DCC: variants seen among roughly 807,000 people sequenced by gnomAD.
The protein encoded by DCC is DCC netrin 1 receptor, also known as netrin receptor DCC.
DCC carries 58 observed loss-of-function variants against 172.5 expected under a neutral mutation model. That is an observed-to-expected ratio of 0.34 (90% CI 0.27 to 0.42). The LOEUF is 0.42. Ranked by LOEUF, DCC falls within the 10% of genes least tolerant of loss-of-function variation. The probability of loss-of-function intolerance (pLI) is 1.00; values close to 1 mark genes in which losing one functional copy is unlikely to be tolerated. For synonymous variants in DCC, 709 were observed against 644.5 expected (o/e 1.10, Z -1.52); for missense variants, 1,740 against 1,791.0 (o/e 0.97, Z 0.51).
intron 2 of DCC, 62 bp downstream of exon 2, chr18:52,752,436 G>T: frequency 7.7e-7 from 1 of 1,304,014 alleles, no homozygotes; most frequent in Non-Finnish European, 1.1e-6. Flanking sequence ...TTCATTTTTG[G>T]GGATGAGAAA....
intron 28 of DCC, chr18:53,526,969 T>C: frequency 5.2e-6 from 3 of 577,090 alleles, no homozygotes; most frequent in Non-Finnish European, 9.2e-6. Flanking sequence ...GACTTAGTTA[T>C]GTAAAAAAGT....
intron 27 of DCC, among the ~76,000 whole-genome samples, chr18:53,506,278 G>C (rs1226074095): frequency 1.3e-5 from 2 of 152,130 alleles, no homozygotes; most frequent in Non-Finnish European, 2.9e-5. Flanking sequence ...GTCTAATAAT[G>C]AGTTTAGACA....
chr18:52,739,969 C>A (rs921826464), intron 1 of DCC, among the ~76,000 whole-genome samples: 2 of 152,082 alleles, frequency 1.3e-5, no homozygotes, highest in Non-Finnish European at 2.9e-5. Context: ...AGGAAAGGCT[C>A]TAATTAGAAT....
chr18:53,291,168 G>A (rs562935940), intron 12 of DCC, among the ~76,000 whole-genome samples: 82 of 143,182 alleles, frequency 5.7e-4, no homozygotes, highest in African/African-American at 1.8e-3. Flanking sequence ...ACTGCATTTC[G>A]AAAAAAAAAA....
intron 2 of DCC, among the ~76,000 whole-genome samples, chr18:52,832,197 T>C (rs1187769903): frequency 6.6e-6 from 1 of 152,212 alleles, no homozygotes; most frequent in Non-Finnish European, 1.5e-5. Context: ...AGTGACTGAT[T>C]GGTATGCTAT....
chr18:53,107,535 AG>A (rs1449489646), intron 7 of DCC, among the ~76,000 whole-genome samples: 16 of 95,564 alleles, frequency 1.7e-4, no homozygotes, highest in African/African-American at 8.6e-4. Context: ...AAAAAAAAAA[AG>A]GAAGGAAAAA....
chr18:53,448,811 C>A (rs1201074239), intron 22 of DCC, among the ~76,000 whole-genome samples: 1 of 152,174 alleles, frequency 6.6e-6, no homozygotes, highest in Non-Finnish European at 1.5e-5. Flanking sequence ...CGAGATCATG[C>A]CAGTGCACTC....
chr18:52,497,260 CA>C lies in DCC; in HGVS notation c.91+156403del, dbSNP rs111476286. Among the ~76,000 whole-genome samples, 26 of 53,934 alleles carry C rather than the reference CA, an allele frequency of 4.8e-4. 1 individual carries two copies. Among genetic ancestry groups the C allele is most frequent in the African/African-American group, 1.3e-3 (20 of 15,146 alleles). The allele number at this position is 53,934 out of a possible 152,430, so 35.4% of individuals were successfully genotyped here. A position where few individuals can be genotyped will look rare whatever the true frequency, so the allele number is the denominator to read the frequency against. On this transcript the variant is annotated intron_variant, in intron 1 of 28. Transcript: ENST00000442544. ...TGGGTAACAGAGTGAGACCCTGTATCAAAAAAAAAAAAAAAAAAAAATATAT... is the reference window on the plus strand; with the variant it reads ...TGGGTAACAGAGTGAGACCCTGTATCAAAAAAAAAAAAAAAAAAAATATAT...
chr18:52,799,322 ACTC>A (rs1419050901), intron 2 of DCC, among the ~76,000 whole-genome samples: 1 of 152,020 alleles, frequency 6.6e-6, no homozygotes, highest in African/African-American at 2.4e-5. Flanking sequence ...GGAGTAATAT[ACTC>A]CTCATTTTAT....
intron 21 of DCC, among the ~76,000 whole-genome samples, chr18:53,418,334 T>C (rs1488108656): frequency 6.6e-6 from 1 of 152,164 alleles, no homozygotes; most frequent in African/African-American, 2.4e-5. Context: ...TCTTCTGAGT[T>C]GATGACCACA....
chr18:52,618,792 CTT>C (rs2034430146), intron 1 of DCC, among the ~76,000 whole-genome samples: 1 of 152,184 alleles, frequency 6.6e-6, no homozygotes, highest in Admixed American at 6.5e-5. Flanking sequence ...CGCCCCCAGA[CTT>C]TTAATTCAGA....
intron 7 of DCC, among the ~76,000 whole-genome samples, chr18:53,148,776 C>T (rs145668445): frequency 7.3e-5 from 11 of 151,718 alleles, no homozygotes; most frequent in South Asian, 2.1e-4. Flanking sequence ...GTACAAGTGA[C>T]GACGTACTTT....
chr18:52,709,319 G>C (rs761497984), intron 1 of DCC, among the ~76,000 whole-genome samples: 1 of 152,158 alleles, frequency 6.6e-6, no homozygotes, highest in Non-Finnish European at 1.5e-5. Flanking sequence ...AAGACTGACT[G>C]TCTAATTCCA....
chr18:52,709,561 C>G (rs1011056309), intron 1 of DCC, among the ~76,000 whole-genome samples: 5 of 152,174 alleles, frequency 3.3e-5, no homozygotes, highest in Admixed American at 3.3e-4. Context: ...GGCCTGTGTG[C>G]TCTTCTTCGA....
intron 1 of DCC, among the ~76,000 whole-genome samples, chr18:52,379,917 A>AT (rs1236659705): frequency 1.3e-5 from 2 of 152,144 alleles, no homozygotes; most frequent in Non-Finnish European, 2.9e-5. Flanking sequence ...AGACTGGGTA[A>AT]TTTATAAGAA....
At chr18:53,457,283 T>G (rs1428965172) in intron 23 of DCC, among the ~76,000 whole-genome samples, 1 of 152,240 alleles carries the variant, frequency 6.6e-6, no homozygotes, top group Non-Finnish European at 1.5e-5. Context: ...CATCTGGGGC[T>G]CGTTGGTACT....
intron 7 of DCC, among the ~76,000 whole-genome samples, chr18:53,107,078 T>A (rs1159334469): frequency 6.6e-6 from 1 of 151,868 alleles, no homozygotes; most frequent in Admixed American, 6.6e-5. Context: ...ACGTGTTTTC[T>A]TAACCATAAA....
intron 2 of DCC, among the ~76,000 whole-genome samples, chr18:52,798,840 C>G (rs959683993): frequency 1.3e-5 from 2 of 152,014 alleles, no homozygotes; most frequent in African/African-American, 4.8e-5. Flanking sequence ...GCAACCTCCC[C>G]CTCCCAGGTT....
intron 2 of DCC, among the ~76,000 whole-genome samples, chr18:52,834,521 T>C (rs967505550): frequency 6.6e-6 from 1 of 152,064 alleles, no homozygotes; most frequent in African/African-American, 2.4e-5. Context: ...ACTTTTTGTG[T>C]GCCTAAGGAT....
Sources: allele counts gnomAD v4.1 joint callset (sites outside exome capture counted in the v4.1 genomes callset), GRCh38; gene constraint gnomAD v4.1.1; transcripts MANE v1.5; gene names NCBI Gene and HGNC (gene_info 2026-07-23, HGNC 2026-07-21).